Variants in ZFP28 observed in about 807,000 individuals in gnomAD.
ZFP28 encodes the protein zinc finger protein 28 homolog.
A neutral mutation model predicts 39.5 loss-of-function variants in ZFP28; 31 were observed. The observed-to-expected ratio is 0.79, with a 90% CI of 0.59 to 1.06. The LOEUF (loss-of-function observed/expected upper bound fraction) is 1.06. Ranked by LOEUF, ZFP28 falls within the 50% of genes least tolerant of loss-of-function variation. The probability of loss-of-function intolerance (pLI) is 0.00; values close to 1 mark genes in which losing one functional copy is unlikely to be tolerated. For synonymous variants in ZFP28, 400 were observed against 378.6 expected (o/e 1.06, Z -0.66); for missense variants, 925 against 1,048.4 (o/e 0.88, Z 1.63).
In ZFP28 at chr19:56,555,085, G is replaced by T; in HGVS notation, c.2300G>T (p.Ser767Ile). 6.2e-7 allele frequency: 1 copy of T among 1,614,212 alleles called. No homozygotes were observed. Among genetic ancestry groups the T allele is most frequent in the South Asian group, 1.1e-5 (1 of 91,078 alleles). The change falls in exon 8 of 8, where the codon AGT becomes ATT. Residue 767 changes from serine to isoleucine, a missense_variant. Ser to Ile is a moderately radical substitution (Grantham distance 142). Transcript: ENST00000301318. ...YECSVCGKAF[S>I]HRQSLSVHQR... ...TGCAGTGTGTGTGGCAAAGCCTTTA[G>T]TCATCGTCAATCCCTTAGTGTACAT...
Position 56,550,306 on chromosome 19 carries a change from CTAAGA to C in ZFP28, c.802+131_802+135del, listed in dbSNP as rs1197803299. 6 of 1,043,256 alleles carry C rather than the reference CTAAGA, an allele frequency of 5.8e-6. No homozygotes were observed. In the South Asian group the frequency reaches 6.5e-5, roughly 11 times the overall value. 64.6% of individuals were successfully genotyped at this position (1,043,256 alleles called of 1,614,324 possible). On this transcript the variant is annotated intron_variant, in intron 6 of 7. Coordinates refer to ENST00000301318, the MANE Select transcript of ZFP28 (RefSeq NM_020828.2). ...ATGCTGGCCTGAATTTTGTGGATTC[CTAAGA>C]TAAGAATTTGGCATTTGTAGAGGTG...
chr19:56,539,913 T>C (rs2044180471), intron 2 of ZFP28, among the ~76,000 whole-genome samples, 197 bp downstream of exon 2: 1 of 152,228 alleles, frequency 6.6e-6, no homozygotes, highest in Non-Finnish European at 1.5e-5. Flanking sequence ...TTCTTCTTCA[T>C]CCCAATCAGC....
At position 56,548,867 on chromosome 19, in the gene ZFP28, T is replaced by C. The variant is rs1600545621; in HGVS notation, c.524-91T>C. On this transcript the variant is annotated intron_variant, in intron 4 of 7. Coordinates refer to ENST00000301318, the MANE Select transcript of ZFP28 (RefSeq NM_020828.2). The stretch of plus-strand genomic sequence containing the variant: ...TAAAAATAAATGACTATATGCTTTT[T>C]TGTGGCTTTTAATTTAACGGTTGCA... 5.3e-6 allele frequency: 7 copies of C among 1,313,964 alleles called. No individual in the cohort carries two copies. In the East Asian group the frequency reaches 1.8e-4, roughly 33 times the overall value. The allele number at this position is 1,313,964 out of a possible 1,614,324, so 81.4% of individuals were successfully genotyped here. A position where few individuals can be genotyped will look rare whatever the true frequency, so the allele number is the denominator to read the frequency against.
chr19:56,543,341 TATATATGTATATTTTATATATATATTA>T (rs1231210139), intron 2 of ZFP28, among the ~76,000 whole-genome samples: 3 of 146,812 alleles, frequency 2.0e-5, no homozygotes, highest in East Asian at 2.0e-4. Flanking sequence ...TAGAATATAT[TATATATGTATATTTTATATATATATTA>T]ATATATGTAT....
chr19:56,539,252 G>T, intron 1 of ZFP28, 26 bp downstream of exon 1: 2 of 1,569,912 alleles, frequency 1.3e-6, no homozygotes, highest in East Asian at 2.3e-5. Context: ...GTTTGGGGCC[G>T]AGCGGACAGG....
At chr19:56,541,111 T>A (rs1006648923) in intron 2 of ZFP28, among the ~76,000 whole-genome samples, 6 of 152,118 alleles carry the variant, frequency 3.9e-5, no homozygotes, top group Non-Finnish European at 1.5e-5. Flanking sequence ...CCTGCTCCAC[T>A]CCTCTGCCTG....
intron 1 of ZFP28, 42 bp downstream of exon 1, chr19:56,539,268 A>T (rs750329056): frequency 6.5e-7 from 1 of 1,542,092 alleles, no homozygotes; most frequent in East Asian, 2.4e-5. Flanking sequence ...ACAGGGACGA[A>T]TTCATCTCGG....
chr19:56,539,200 C>T lies in ZFP28; in HGVS notation c.182C>T (p.Ala61Val), dbSNP rs769051424. ...CTCGCATCCAAAGGCCAGCGAGGAG[C>T]GGCCCCTACGGGGCCTGGGCACAGA... ...NGLASKGQRG[A>V]APTGPGHRAL... The change falls in exon 1 of 8, where the codon GCG becomes GTG. Residue 61 changes from alanine (A) to valine (V), a missense_variant. This residue lies in a region of ZFP28 where 556 missense variants were observed against 542.9 expected (regional missense o/e 1.02). Transcript: ENST00000301318. 2 of 1,599,506 alleles carry T rather than the reference C, an allele frequency of 1.3e-6. No homozygotes were observed. The highest frequency in any genetic ancestry group is 1.7e-6 in the Non-Finnish European group (2 of 1,176,868).
chr19:56,538,947 G>A, upstream of ZFP28: 1 of 1,204,878 alleles, frequency 8.3e-7, no homozygotes. Flanking sequence ...GCTGGGCGTG[G>A]CGGGCGGGTG....
At position 56,549,050 on chromosome 19, in the gene ZFP28, A is replaced by C; in HGVS notation, c.616A>C (p.Thr206Pro). The C allele has an allele frequency of 6.2e-7, 1 of 1,614,132 alleles. No individual in the cohort carries two copies. Among genetic ancestry groups the C allele is most frequent in the Non-Finnish European group, 8.5e-7 (1 of 1,180,006 alleles). Reference sequence around the variant, plus strand: ...CCAGGCAGTGATAACAGAGAGACTCACAAGCTATAATCTGGAGTACTCTCT... The same window carrying C: ...CCAGGCAGTGATAACAGAGAGACTCCCAAGCTATAATCTGGAGTACTCTCT... The part of the protein sequence containing the change: ...LSQAVITERL[T>P]SYNLEYSLLG... The change falls in exon 5 of 8, where the codon ACA (threonine) becomes CCA (proline). Residue 206 changes from threonine to proline, a missense_variant. By Grantham distance (38) the Thr-to-Pro change is conservative. This residue lies in a region of ZFP28 where 556 missense variants were observed against 542.9 expected (regional missense o/e 1.02). Transcript: ENST00000301318.
chr19:56,551,158 G>C (rs2044298436), intron 7 of ZFP28: 1 of 995,992 alleles, frequency 1.0e-6, no homozygotes. Context: ...AGACAAAGGA[G>C]ATGTTGTTCC....
intron 7 of ZFP28, chr19:56,551,021 T>C (rs757808647): frequency 2.5e-4 from 308 of 1,237,802 alleles, no homozygotes; most frequent in Non-Finnish European, 2.8e-4. Flanking sequence ...TGGCAGGCGA[T>C]TGGAAAAAGG....
At chr19:56,538,117 A>G (rs955894483), upstream of ZFP28, 1 of 152,280 alleles carries the variant, frequency 6.6e-6, no homozygotes, top group Middle Eastern at 3.2e-3. Context: ...GTGCAAATAC[A>G]TAGGTTACAA....
At chr19:56,538,825 GGCGGGGCA>G (rs2044162065), upstream of ZFP28, 4 of 107,902 alleles carry the variant, frequency 3.7e-5, no homozygotes, top group Admixed American at 1.1e-4. Context: ...GGCGGGGCGG[GGCGGGGCA>G]GCGGGGAGGG....
At chr19:56,550,290 T>C in intron 6 of ZFP28, 109 bp downstream of exon 6, 1 of 1,138,656 alleles carries the variant, frequency 8.8e-7, no homozygotes, top group East Asian at 2.6e-5. Flanking sequence ...CATGCTGGCC[T>C]GAATTTTGTG....
At chr19:56,542,766 T>A (rs2044207000) in intron 2 of ZFP28, among the ~76,000 whole-genome samples, 3 of 88,676 alleles carry the variant, frequency 3.4e-5, no homozygotes, top group Admixed American at 1.2e-4. Context: ...ATTTTTTTAT[T>A]TTGTTTTTTT....
chr19:56,553,463 T>TG (rs2044322723), intron 7 of ZFP28, among the ~76,000 whole-genome samples: 1 of 152,144 alleles, frequency 6.6e-6, no homozygotes, highest in South Asian at 2.1e-4. Flanking sequence ...GTGATCCGCC[T>TG]CAAGTGATCT....
intron 2 of ZFP28, among the ~76,000 whole-genome samples, chr19:56,539,928 A>G (rs954371468): frequency 6.6e-6 from 1 of 152,108 alleles, no homozygotes; most frequent in East Asian, 1.9e-4. Context: ...ATCAGCCTTC[A>G]TTCTTGATTG....
At position 56,550,589 on chromosome 19, in the gene ZFP28, AGGAAGCCTGT is replaced by A. The variant is rs759451136; in HGVS notation, c.883_892del (p.Gly295SerfsTer24). On this transcript the variant is annotated frameshift_variant, in exon 7 of 8. Coordinates refer to ENST00000301318, the MANE Select transcript of ZFP28 (RefSeq NM_020828.2). LOFTEE classifies it low-confidence loss of function (END_TRUNC). The stretch of plus-strand genomic sequence containing the variant: ...CCTGGATGGTGAAGCGAGAGCTGAC[AGGAAGCCTGT>A]TCTCAGGTGAGTGCAGGAGAGCCTG... 1.8e-5 allele frequency: 29 copies of A among 1,614,168 alleles called. No individual in the cohort carries two copies. The South Asian group carries it at 2.7e-4, about 15-fold the overall frequency.
Sources: allele counts gnomAD v4.1 joint callset (sites outside exome capture counted in the v4.1 genomes callset), GRCh38; gene constraint gnomAD v4.1.1; regional missense constraint gnomAD v4.1.1; transcripts MANE v1.5; gene names NCBI Gene and HGNC (gene_info 2026-07-23, HGNC 2026-07-21).